The following SLC11A2 variants were observed in gnomAD, a reference collection of about 807,000 sequenced individuals.
SLC11A2 encodes the protein natural resistance-associated macrophage protein 2.
Under a neutral mutation model 68.0 loss-of-function variants are expected in SLC11A2, and 38 were observed. That is an observed-to-expected ratio of 0.56 (90% CI 0.43 to 0.73). SLC11A2 has a LOEUF of 0.73. Ranked by LOEUF, SLC11A2 falls within the 30% of genes least tolerant of loss-of-function variation. The pLI, the probability that SLC11A2 is intolerant of heterozygous loss-of-function variation, is 0.00. For missense variants in SLC11A2, 517 were observed against 690.5 expected (o/e 0.75, Z 2.82); for synonymous variants, 242 against 250.6 (o/e 0.97, Z 0.32).
intron 5 of SLC11A2, among the ~76,000 whole-genome samples, chr12:51,001,353 C>G (rs1426187929): frequency 6.6e-6 from 1 of 151,904 alleles, no homozygotes; most frequent in African/African-American, 2.4e-5. Flanking sequence ...TATGAACACA[C>G]AGACAGAAAC....
At chr12:51,016,825 T>G in intron 1 of SLC11A2, among the ~76,000 whole-genome samples, 1 of 127,174 alleles carries the variant, frequency 7.9e-6, no homozygotes, top group Non-Finnish European at 1.6e-5. Flanking sequence ...CCAGCCTGGG[T>G]GACAAGAGCA....
chr12:50,953,841 G>T, the SLC11A2 span: 1 of 548,470 alleles, frequency 1.8e-6, no homozygotes, highest in East Asian at 2.9e-5. Flanking sequence ...AGTGAAAAGT[G>T]TGAAGGAAAG....
Position 50,987,699 on chromosome 12 carries a change from T to A in SLC11A2, c.*626A>T. 7.8e-7 allele frequency: 1 copy of A among 1,287,172 alleles called. No individual in the cohort carries two copies. Among genetic ancestry groups the A allele is most frequent in the Non-Finnish European group, 1.0e-6 (1 of 988,648 alleles). 79.7% of individuals were successfully genotyped at this position (1,287,172 alleles called of 1,614,324 possible). A position where few individuals can be genotyped will look rare whatever the true frequency, so the allele number is the denominator to read the frequency against. ...GGTGCTGGTTTTGTTAGTTGTCAGT[T>A]TTTCCCCTTCTTTGTTTTCTCACCC... is the stretch of plus-strand genomic sequence containing the variant. On this transcript the variant is annotated 3_prime_UTR_variant, in exon 16 of 16. Transcript: ENST00000262052.
chr12:50,992,355 G>C lies in SLC11A2; in HGVS notation c.1198-16C>G, dbSNP rs2136191208. On this transcript the variant is annotated splice_polypyrimidine_tract_variant and intron_variant, in intron 12 of 15. Transcript: ENST00000262052. ...TCAGGAATCCCTGGAAGAAAACATA[G>C]GAGCAGATGACTGTCTGCAACAGGA... The C allele has an allele frequency of 4.3e-6, 7 of 1,613,368 alleles. No individual in the cohort carries two copies. In the East Asian group the frequency reaches 8.9e-5, roughly 21 times the overall value.
At chr12:51,028,275 T>C, upstream of SLC11A2, 5 of 1,415,614 alleles carry the variant, frequency 3.5e-6, no homozygotes, top group Non-Finnish European at 4.8e-6. Flanking sequence ...CCTCTATATA[T>C]GAAGACAAGT....
At chr12:50,952,757 A>T in the SLC11A2 span, among the ~76,000 whole-genome samples, 1 of 152,150 alleles carries the variant, frequency 6.6e-6, no homozygotes, top group East Asian at 1.9e-4. Flanking sequence ...GGAGATTCCA[A>T]CTGCAGGGAG....
the SLC11A2 span, among the ~76,000 whole-genome samples, chr12:50,957,940 GTGTGTGTGT>G: frequency 4.6e-5 from 3 of 64,900 alleles, no homozygotes; most frequent in African/African-American, 2.9e-4. Context: ...AATTGGAGGT[GTGTGTGTGT>G]GTGTGTGTGT....
chr12:50,960,882 G>A, the SLC11A2 span: 1 of 1,158,298 alleles, frequency 8.6e-7, no homozygotes, highest in Non-Finnish European at 1.2e-6. Flanking sequence ...GTCTTGCTAT[G>A]TTGCCCAGGC....
chr12:51,012,125 G>A (rs991411497), intron 1 of SLC11A2, among the ~76,000 whole-genome samples: 5 of 152,152 alleles, frequency 3.3e-5, no homozygotes, highest in Non-Finnish European at 7.3e-5. Context: ...CTCTCCAAGA[G>A]AGCTGAAGCA....
intron 2 of SLC11A2, chr12:51,009,144 C>T: frequency 6.6e-7 from 1 of 1,506,086 alleles, no homozygotes; most frequent in African/African-American, 1.4e-5. Flanking sequence ...GACATTATAC[C>T]TCCATCAGAC....
intron 3 of SLC11A2, chr12:51,008,248 AG>A: frequency 2.0e-5 from 6 of 298,446 alleles, no homozygotes; most frequent in Non-Finnish European, 2.9e-5. Flanking sequence ...ATAGATAGAT[AG>A]ATAGATAGAT....
the SLC11A2 span, among the ~76,000 whole-genome samples, chr12:50,961,988 T>C: frequency 3.3e-5 from 5 of 152,146 alleles, no homozygotes; most frequent in Non-Finnish European, 5.9e-5. Context: ...CAGACACTGT[T>C]TAGAAATATG....
chr12:51,012,076 T>C (rs866410057), intron 1 of SLC11A2, among the ~76,000 whole-genome samples: 1 of 152,102 alleles, frequency 6.6e-6, no homozygotes, highest in Admixed American at 6.6e-5. Flanking sequence ...CTCTGACAAC[T>C]AGAAGAAACT....
At position 50,992,913 on chromosome 12, in the gene SLC11A2, C is replaced by T; in HGVS notation, c.1094G>A (p.Cys365Tyr). The change falls in exon 12 of 16, where the codon TGT becomes TAT. Residue 365 changes from cysteine (C) to tyrosine (Y), a missense_variant. Transcript: ENST00000262052. ...DIYKGGVVLG[C>Y]YFGPAALYIW... ...GTAGAGTGCAGCAGGCCCAAAGTAACATCCCAGCACAACACCCTGTGAGAG... is the reference window on the plus strand; with the variant it reads ...GTAGAGTGCAGCAGGCCCAAAGTAATATCCCAGCACAACACCCTGTGAGAG... 6.2e-7 allele frequency: 1 copy of T among 1,613,992 alleles called. No individual in the cohort carries two copies.
intron 1 of SLC11A2, among the ~76,000 whole-genome samples, chr12:51,024,189 A>C (rs750803170): frequency 2.6e-5 from 4 of 152,222 alleles, no homozygotes; most frequent in Non-Finnish European, 4.4e-5. Flanking sequence ...TTTGAAGGGA[A>C]GAATTAGAAG....
chr12:51,000,465 T>G (rs911753788), intron 5 of SLC11A2, 46 bp from the exon 6 acceptor site: 2 of 1,455,632 alleles, frequency 1.4e-6, no homozygotes, highest in Admixed American at 1.7e-5. Flanking sequence ...TAATCATTTC[T>G]AAAAAATTCC....
In SLC11A2 at chr12:50,986,840, T is replaced by C. The variant is rs1409436768; in HGVS notation, c.*1485A>G. 1 of 1,287,206 alleles carries C rather than the reference T, an allele frequency of 7.8e-7. No individual in the cohort carries two copies. Among genetic ancestry groups the C allele is most frequent in the East Asian group, 5.5e-5 (1 of 18,024 alleles). The allele number at this position is 1,287,206 out of a possible 1,614,324, so 79.7% of individuals were successfully genotyped here. Reference sequence around the variant, plus strand: ...CTTATAAAAGACCATCCATCCAGTCTGCGCTTTTGACTGTGTGCAAGTATC... The same window carrying C: ...CTTATAAAAGACCATCCATCCAGTCCGCGCTTTTGACTGTGTGCAAGTATC... On this transcript the variant is annotated 3_prime_UTR_variant, in exon 16 of 16. Transcript: ENST00000262052.
intron 1 of SLC11A2, among the ~76,000 whole-genome samples, chr12:51,017,546 C>G (rs1943746386): frequency 6.6e-6 from 1 of 152,174 alleles, no homozygotes; most frequent in South Asian, 2.1e-4. Context: ...AAACCTCTCA[C>G]TGAATATACA....
intron 6 of SLC11A2, 125 bp from the exon 7 acceptor site, chr12:50,999,540 G>T: frequency 1.3e-6 from 1 of 780,172 alleles, no homozygotes; most frequent in Non-Finnish European, 2.2e-6. Flanking sequence ...AGGGAGGAGG[G>T]ACAATGGCAG....
Sources: allele counts gnomAD v4.1 joint callset (sites outside exome capture counted in the v4.1 genomes callset), GRCh38; gene constraint gnomAD v4.1.1; transcripts MANE v1.5; gene names NCBI Gene and HGNC (gene_info 2026-07-23, HGNC 2026-07-21).